Variants in RASA3 observed in about 807,000 individuals in gnomAD.
RASA3 encodes the protein RAS p21 protein activator 3.
A neutral mutation model predicts 110.0 loss-of-function variants in RASA3; 73 were observed. The observed-to-expected ratio is 0.66, with a 90% confidence interval of 0.55 to 0.81. The LOEUF is 0.81. Among genes scored for constraint, RASA3 ranks in the 30% least tolerant of loss-of-function variants. The pLI, the probability that RASA3 is intolerant of heterozygous loss-of-function variation, is 0.00. For synonymous variants in RASA3, 500 were observed against 451.4 expected, an observed-to-expected ratio of 1.11 and a Z score of -1.37; for missense variants, 976 against 1,113.2, an observed-to-expected ratio of 0.88 and a Z score of 1.75.
At chr13:114,101,369 C>A (rs991444797) in intron 1 of RASA3, among the ~76,000 whole-genome samples, 5 of 152,232 alleles carry the variant, frequency 3.3e-5, no homozygotes, top group African/African-American at 1.2e-4. Context: ...CCTGCACCCC[C>A]ACGGCCCACC....
At position 114,040,273 on chromosome 13, in the gene RASA3, C is replaced by T. The variant is rs191840338; in HGVS notation, c.372+727G>A. Among the ~76,000 whole-genome samples, 7 of 151,752 alleles carry T rather than the reference C, an allele frequency of 4.6e-5. No homozygotes were observed. The East Asian group carries it at 5.9e-4, about 13-fold the overall frequency. ...CACTCCGACCACAAGCGGGTGAACACGCCCAACCCAAAATCCATGGCAGAG... is the reference window on the plus strand; with the variant it reads ...CACTCCGACCACAAGCGGGTGAACATGCCCAACCCAAAATCCATGGCAGAG... On this transcript the variant is annotated intron_variant, in intron 4 of 23. Coordinates refer to ENST00000334062, the MANE Select transcript of RASA3 (RefSeq NM_007368.4).
At chr13:114,041,685 C>T (rs2054411210) in intron 3 of RASA3, among the ~76,000 whole-genome samples, 1 of 152,278 alleles carries the variant, frequency 6.6e-6, no homozygotes, top group South Asian at 2.1e-4. Context: ...AGGGTGCTTT[C>T]CGTGTGTGTG....
Position 114,014,692 on chromosome 13 carries a change from G to A in RASA3, c.1405+517C>T, listed in dbSNP as rs1315367036. Among the ~76,000 whole-genome samples the A allele has an allele frequency of 6.6e-6, 1 of 152,108 alleles. No individual in the cohort carries two copies. The highest frequency in any genetic ancestry group is 6.5e-5 in the Admixed American group (1 of 15,276). On this transcript the variant is annotated intron_variant, in intron 14 of 23. Transcript: ENST00000334062. The surrounding 1 kb of genome is among the most constrained non-coding windows in gnomAD (Gnocchi z 4.5). ...ATGCCCAGGTCCCTAGGGGATCTCC[G>A]GCTTGGGGGTTTGAAGAAAGGGCAG...
At chr13:114,079,024 C>T (rs1221959514) in intron 1 of RASA3, among the ~76,000 whole-genome samples, 1 of 152,250 alleles carries the variant, frequency 6.6e-6, no homozygotes, top group East Asian at 1.9e-4. Flanking sequence ...TACTGCTCAA[C>T]ACAGCAGCGG....
At chr13:114,078,170 G>C (rs1369902501) in intron 1 of RASA3, among the ~76,000 whole-genome samples, 1 of 152,170 alleles carries the variant, frequency 6.6e-6, no homozygotes, top group Non-Finnish European at 1.5e-5. Context: ...CATGCACCAG[G>C]ACCGAGCCTC....
At chr13:114,030,956 T>C (rs2054154435) in intron 4 of RASA3, among the ~76,000 whole-genome samples, 1 of 151,814 alleles carries the variant, frequency 6.6e-6, no homozygotes, top group African/African-American at 2.4e-5. Context: ...TGTGCTGCTG[T>C]GTGCGTGTCT....
chr13:114,014,054 CTGTCTCTGCCTCTCTCTCCG>C lies in RASA3; in HGVS notation c.1406-826_1406-807del. Among the ~76,000 whole-genome samples, 1 of 123,294 alleles carries C rather than the reference CTGTCTCTGCCTCTCTCTCCG, an allele frequency of 8.1e-6. No homozygotes were observed. The allele number at this position is 123,294 out of a possible 152,430, so 80.9% of individuals were successfully genotyped here. ...TCTCCGTCTCTATCTCTCTCTCCGTCTGTCTCTGCCTCTCTCTCCGTCTGTCTCTGCCTCTCTCTCCGTCT... is the reference window on the plus strand; with the variant it reads ...TCTCCGTCTCTATCTCTCTCTCCGTCTCTGTCTCTGCCTCTCTCTCCGTCT... On this transcript the variant is annotated intron_variant, in intron 14 of 23. Coordinates refer to ENST00000334062, the MANE Select transcript of RASA3 (RefSeq NM_007368.4). The surrounding 1 kb of genome is among the most constrained non-coding windows in gnomAD (Gnocchi z 4.5).
intron 1 of RASA3, among the ~76,000 whole-genome samples, chr13:114,113,598 A>G (rs9590454): frequency 0.017 from 1,274 of 76,832 alleles, 8 homozygotes; most frequent in Middle Eastern, 0.056. Flanking sequence ...CTCACACCGC[A>G]TCCATCAATC....
intron 3 of RASA3, among the ~76,000 whole-genome samples, chr13:114,043,189 G>A (rs917676550): frequency 1.3e-5 from 2 of 152,200 alleles, no homozygotes; most frequent in African/African-American, 4.8e-5. Flanking sequence ...CTATGGGACA[G>A]CGCAAGGTCG....
intron 15 of RASA3, 40 bp downstream of exon 15, chr13:114,013,102 G>A (rs776813663): frequency 2.1e-4 from 329 of 1,570,450 alleles, no homozygotes; most frequent in Middle Eastern, 2.0e-3. Flanking sequence ...GGCGTCGCAG[G>A]ACAGCTCAGA....
chr13:114,105,811 T>G (rs924404277), intron 1 of RASA3, among the ~76,000 whole-genome samples: 1 of 152,130 alleles, frequency 6.6e-6, no homozygotes, highest in Non-Finnish European at 1.5e-5. Context: ...TAAGAGAACA[T>G]GAGAACAAAT....
chr13:114,045,105 G>A (rs1594380850), intron 3 of RASA3, among the ~76,000 whole-genome samples: 1 of 152,202 alleles, frequency 6.6e-6, no homozygotes, highest in South Asian at 2.1e-4. Context: ...CCTTCTAGAA[G>A]CCAGCCACAT....
At chr13:114,043,715 G>A (rs989183700) in intron 3 of RASA3, among the ~76,000 whole-genome samples, 2 of 152,032 alleles carry the variant, frequency 1.3e-5, no homozygotes, top group Non-Finnish European at 2.9e-5. Flanking sequence ...GGAACACCAG[G>A]GAGGCTCAGA....
intron 4 of RASA3, among the ~76,000 whole-genome samples, chr13:114,031,750 C>T (rs1239596964): frequency 2.0e-5 from 3 of 152,246 alleles, no homozygotes; most frequent in Non-Finnish European, 4.4e-5. Context: ...GCTTCAGGGG[C>T]TCTGCCTGGC....
rs3764053 is a variant in RASA3 at position 113,999,297 on chromosome 13, A to C, written c.1932+288T>G. ...TGTCTTTGACAGAGGGCCCCTTGAC[A>C]TTGGGGACCCTGCGGGGGACGCCAC... is the stretch of plus-strand genomic sequence containing the variant. On this transcript the variant is annotated intron_variant, in intron 20 of 23. Transcript: ENST00000334062. 0.7 allele frequency among the ~76,000 whole-genome samples: 106,308 copies of C among 152,122 alleles called. 37,798 individuals carry two copies. The highest frequency in any genetic ancestry group is 0.84 in the African/African-American group (34,923 of 41,528).
intron 1 of RASA3, among the ~76,000 whole-genome samples, chr13:114,127,132 C>T (rs1460745945): frequency 6.6e-6 from 1 of 152,262 alleles, no homozygotes; most frequent in East Asian, 1.9e-4. Context: ...GCCACAGCCT[C>T]AGGGAGACGC....
chr13:114,011,869 C>A lies in RASA3; in HGVS notation c.1513-621G>T, dbSNP rs1288385485. Among the ~76,000 whole-genome samples, 1 of 152,010 alleles carries A rather than the reference C, an allele frequency of 6.6e-6. No homozygotes were observed. The highest frequency in any genetic ancestry group is 1.9e-4 in the East Asian group (1 of 5,184). On this transcript the variant is annotated intron_variant, in intron 15 of 23. Transcript: ENST00000334062. This position sits in a 1 kb window ranked among gnomAD's most constrained non-coding sequence, Gnocchi z 4.8. The stretch of plus-strand genomic sequence containing the variant: ...CCCAGGAGGCAGAGGTTGCAGTGAG[C>A]TGAGATGGTACCACTGCACGCCAGC...
At chr13:114,128,743 G>A (rs2080481523) in intron 1 of RASA3, among the ~76,000 whole-genome samples, 1 of 152,252 alleles carries the variant, frequency 6.6e-6, no homozygotes, top group African/African-American at 2.4e-5. Flanking sequence ...GCCCAGCGGA[G>A]CCACAGGCAC....
At position 114,100,957 on chromosome 13, in the gene RASA3, T is replaced by C. The variant is rs564409445; in HGVS notation, c.56-27120A>G. On this transcript the variant is annotated intron_variant, in intron 1 of 23. Coordinates refer to ENST00000334062, the MANE Select transcript of RASA3 (RefSeq NM_007368.4). ...TATTTTTAGAATTTTCCATTTAACA[T>C]TTTTGGACCACGGCTGACCACATGT... Among the ~76,000 whole-genome samples the C allele has an allele frequency of 9.9e-5, 15 of 152,196 alleles. No individual in the cohort carries two copies. The East Asian group carries it at 2.7e-3, about 27-fold the overall frequency.
Sources: gnomAD v4.1 joint callset for allele counts (sites outside exome capture counted in the v4.1 genomes callset) on GRCh38, gnomAD v4.1.1 for gene constraint, Gnocchi (gnomAD v3.1) non-coding constraint, MANE v1.5 for transcripts, NCBI Gene and HGNC (gene_info 2026-07-23, HGNC 2026-07-21) for gene names.